The following ERH variants were observed in gnomAD, a reference collection of about 807,000 sequenced individuals.
ERH encodes enhancer of rudimentary homolog.
Under a neutral mutation model 16.8 loss-of-function variants are expected in ERH, and 1 was observed. The observed-to-expected ratio is 0.06, with a 90% CI of 0.02 to 0.28. The LOEUF is 0.28. Ranked by LOEUF, ERH falls within the 10% of genes least tolerant of loss-of-function variation. The pLI is 1.00. For synonymous variants in ERH, 43 were observed against 43.6 expected (o/e 0.99, Z 0.05); for missense variants, 42 against 127.5 (o/e 0.33, Z 3.23).
rs375091016 is a variant in ERH, at chr14:69,398,250, C to G, written c.-17G>C. The G allele has an allele frequency of 6.2e-7, 1 of 1,613,880 alleles. No individual in the cohort carries two copies. The highest frequency in any genetic ancestry group is 8.5e-7 in the Non-Finnish European group (1 of 1,179,938). On this transcript the variant is annotated 5_prime_UTR_variant, in exon 1 of 4. Transcript: ENST00000557016. ...TCTCACCATCGCGCCAAACTCTCTT[C>G]GCTACAGCAGCTGCCGACACCGCCG...
At chr14:69,391,755 A>C (rs762615930) in intron 2 of ERH, among the ~76,000 whole-genome samples, 1 of 151,724 alleles carries the variant, frequency 6.6e-6, no homozygotes, top group Non-Finnish European at 1.5e-5. Flanking sequence ...ATTCCAGAAA[A>C]GGCAAAACTA....
At chr14:69,394,381 G>C (rs1882287103) in intron 2 of ERH, among the ~76,000 whole-genome samples, 1 of 151,942 alleles carries the variant, frequency 6.6e-6, no homozygotes, top group African/African-American at 2.4e-5. Context: ...GATTACTTGA[G>C]GTCAGGAGCT....
At chr14:69,396,199 G>GT (rs1284044890) in intron 1 of ERH, among the ~76,000 whole-genome samples, 4 of 152,178 alleles carry the variant, frequency 2.6e-5, no homozygotes, top group African/African-American at 9.7e-5. Context: ...TGCTGTACTA[G>GT]TATTTTTCAG....
chr14:69,397,973 G>C (rs1300729031), intron 1 of ERH: 2 of 597,342 alleles, frequency 3.3e-6, no homozygotes, highest in African/African-American at 3.7e-5. Flanking sequence ...AATCGGGAGA[G>C]AGTTCATCCT....
chr14:69,380,553 T>G lies in ERH; in HGVS notation c.300A>C (p.Gln100His). 6.5e-7 allele frequency: 1 copy of G among 1,549,872 alleles called. No homozygotes were observed. Among genetic ancestry groups the G allele is most frequent in the Non-Finnish European group, 8.9e-7 (1 of 1,127,534 alleles). Residue 100 changes from glutamine (Q) to histidine (H), a missense_variant, in exon 4 of 4, where the codon CAA (glutamine) becomes CAC (histidine). Physicochemically the swap from Gln to His is conservative, Grantham distance 24. Transcript: ENST00000557016. Reference sequence around the variant, plus strand: ...TCCAACACAATTATTTCCCAGCCTGTTGGGCCTGCCGACGAAGGAGCACGT... The same window carrying G: ...TCCAACACAATTATTTCCCAGCCTGGTGGGCCTGCCGACGAAGGAGCACGT... ...KIYVLLRRQA[Q>H]QAGK
intron 2 of ERH, 106 bp downstream of exon 2, chr14:69,394,719 G>A (rs1882295905): frequency 1.6e-6 from 1 of 636,684 alleles, no homozygotes; most frequent in East Asian, 2.9e-5. Context: ...AAGTGATAAA[G>A]GCAGGGCCTG....
Position 69,380,507 on chromosome 14 carries a change from C to G in ERH, c.*31G>C. Reference sequence around the variant, plus strand: ...GCTGTACACACCTGTGTTCCAAGCCCACCCCAACCCCCCCAGTGCTTCCAA... The same window carrying G: ...GCTGTACACACCTGTGTTCCAAGCCGACCCCAACCCCCCCAGTGCTTCCAA... On this transcript the variant is annotated 3_prime_UTR_variant, in exon 4 of 4. Transcript: ENST00000557016. 8.9e-7 allele frequency: 1 copy of G among 1,117,950 alleles called. No homozygotes were observed. The highest frequency in any genetic ancestry group is 1.4e-6 in the Non-Finnish European group (1 of 728,600). 69.3% of individuals were successfully genotyped at this position (1,117,950 alleles called of 1,614,324 possible).
rs542460158 is a variant in ERH, at chr14:69,385,729, G to A, written c.212+1234C>T. 2.7e-5 allele frequency among the ~76,000 whole-genome samples: 4 copies of A among 150,528 alleles called. No homozygotes were observed. The East Asian group carries it at 7.8e-4, about 29-fold the overall frequency. ...CATTCCCTTCCATACACTGAAATCTGTAAGCATTTTACTCCTGGCACTCTA... is the reference window on the plus strand; with the variant it reads ...CATTCCCTTCCATACACTGAAATCTATAAGCATTTTACTCCTGGCACTCTA... On this transcript the variant is annotated intron_variant, in intron 3 of 3. Coordinates refer to ENST00000557016, the MANE Select transcript of ERH (RefSeq NM_004450.3).
In ERH at chr14:69,380,521, CAGTGCTT is replaced by C; in HGVS notation, c.*10_*16del. 6 of 1,367,710 alleles carry C rather than the reference CAGTGCTT, an allele frequency of 4.4e-6. No individual in the cohort carries two copies. The highest frequency in any genetic ancestry group is 6.3e-6 in the Non-Finnish European group (6 of 956,160). 84.7% of individuals were successfully genotyped at this position (1,367,710 alleles called of 1,614,324 possible). ...TGTTCCAAGCCCACCCCAACCCCCC[CAGTGCTT>C]CCAACACAATTATTTCCCAGCCTGT... On this transcript the variant is annotated 3_prime_UTR_variant, in exon 4 of 4. Coordinates refer to ENST00000557016, the MANE Select transcript of ERH (RefSeq NM_004450.3).
intron 2 of ERH, among the ~76,000 whole-genome samples, chr14:69,394,176 A>G (rs986317436): frequency 6.6e-6 from 1 of 152,150 alleles, no homozygotes; most frequent in Non-Finnish European, 1.5e-5. Flanking sequence ...TATATAAGGG[A>G]TACCTGTAAA....
At chr14:69,385,036 T>C (rs2045882767) in intron 3 of ERH, among the ~76,000 whole-genome samples, 1 of 152,196 alleles carries the variant, frequency 6.6e-6, no homozygotes, top group Non-Finnish European at 1.5e-5. Context: ...GAGCAATCCT[T>C]GATCCAGTGG....
rs115696261 is a variant in ERH at position 69,389,943 on chromosome 14, G to C, written c.92-2860C>G. Among the ~76,000 whole-genome samples, 475 of 152,278 alleles carry C rather than the reference G, an allele frequency of 3.1e-3. 4 individuals carry two copies. Among genetic ancestry groups the C allele is most frequent in the African/African-American group, 0.011 (461 of 41,550 alleles). On this transcript the variant is annotated intron_variant, in intron 2 of 3. Coordinates refer to ENST00000557016, the MANE Select transcript of ERH (RefSeq NM_004450.3). Reference sequence around the variant, plus strand: ...CCAGCTAATTTTTGTACTTTTTGGAGAGCAGGGGTTTCATCATGTTGCCCA... The same window carrying C: ...CCAGCTAATTTTTGTACTTTTTGGACAGCAGGGGTTTCATCATGTTGCCCA...
At chr14:69,388,637 C>T (rs1161311240) in intron 2 of ERH, among the ~76,000 whole-genome samples, 1 of 152,174 alleles carries the variant, frequency 6.6e-6, no homozygotes, top group Non-Finnish European at 1.5e-5. Flanking sequence ...GCTGGGATTA[C>T]AGGCTTGAGC....
intron 3 of ERH, among the ~76,000 whole-genome samples, chr14:69,383,731 A>G (rs749575660): frequency 6.6e-6 from 1 of 152,242 alleles, no homozygotes; most frequent in Non-Finnish European, 1.5e-5. Context: ...TTCTGGAAAT[A>G]CTGTAGGTGG....
In ERH at chr14:69,398,279, T is replaced by A; in HGVS notation, c.-46A>T. The A allele has an allele frequency of 6.2e-7, 1 of 1,613,568 alleles. No homozygotes were observed. The highest frequency in any genetic ancestry group is 8.5e-7 in the Non-Finnish European group (1 of 1,179,844). ...ACAGCAGCTGCCGACACCGCCGCCG[T>A]TACACGAGCTTAACTACAACGCCGC... On this transcript the variant is annotated 5_prime_UTR_variant, in exon 1 of 4. Coordinates refer to ENST00000557016, the MANE Select transcript of ERH (RefSeq NM_004450.3).
Position 69,387,022 on chromosome 14 carries a change from T to C in ERH, c.153A>G (p.Thr51=). 6.2e-7 allele frequency: 1 copy of C among 1,613,498 alleles called. No homozygotes were observed. Among genetic ancestry groups the C allele is most frequent in the Non-Finnish European group, 8.5e-7 (1 of 1,179,410 alleles). ...AATCAAACAACTGACTGATGTCATA[T>C]GTGATAGAGGGACTGTTGGGATTCA... ...KRMNPNSPSI[T]YDISQLFDFI... is the part of the protein sequence containing the mutation. Residue 51 remains threonine (T), a synonymous_variant, in exon 3 of 4, where the codon ACA becomes ACG. Transcript: ENST00000557016.
intron 2 of ERH, among the ~76,000 whole-genome samples, chr14:69,388,317 G>C (rs938897907): frequency 7.2e-5 from 11 of 151,972 alleles, no homozygotes; most frequent in African/African-American, 2.2e-4. Context: ...ATTATAATTA[G>C]CTATAGAGTA....
At chr14:69,392,239 A>G (rs2140233286) in intron 2 of ERH, among the ~76,000 whole-genome samples, 1 of 152,118 alleles carries the variant, frequency 6.6e-6, no homozygotes, top group East Asian at 1.9e-4. Flanking sequence ...TAAAATTACC[A>G]TTTGGCAACC....
At chr14:69,389,461 A>G (rs1006209925) in intron 2 of ERH, among the ~76,000 whole-genome samples, 1 of 152,256 alleles carries the variant, frequency 6.6e-6, no homozygotes, top group Non-Finnish European at 1.5e-5. Flanking sequence ...AGAAAAAGAG[A>G]TAACAGGCCT....
Sources: allele counts gnomAD v4.1 joint callset (sites outside exome capture counted in the v4.1 genomes callset), GRCh38; gene constraint gnomAD v4.1.1; transcripts MANE v1.5; gene names NCBI Gene and HGNC (gene_info 2026-07-23, HGNC 2026-07-21).